Variants in OGFOD1 observed in about 807,000 individuals in gnomAD.
The protein encoded by OGFOD1 is prolyl 3-hydroxylase OGFOD1.
In OGFOD1, 54 loss-of-function variants were observed where a neutral mutation model predicts 67.7. The ratio of observed to expected loss-of-function variants is 0.80; its 90% CI spans 0.64 to 1.00. OGFOD1 has a LOEUF of 1.00. Among genes scored for constraint, OGFOD1 ranks in the 50% least tolerant of loss-of-function variants. The pLI is 0.00. For missense variants in OGFOD1, 606 were observed against 646.7 expected (o/e 0.94, Z 0.68); for synonymous variants, 221 against 227.0 (o/e 0.97, Z 0.24).
chr16:56,463,137 G>T (rs1315731137), intron 4 of OGFOD1, among the ~76,000 whole-genome samples: 2 of 152,016 alleles, frequency 1.3e-5, no homozygotes, highest in African/African-American at 4.8e-5. Flanking sequence ...ACCAGTTTGG[G>T]GTGCATCCTT....
chr16:56,470,063 C>T lies in OGFOD1; in HGVS notation c.961C>T (p.Arg321Ter), dbSNP rs778485767. Residue 321 changes from arginine (R) to a stop codon, truncating the protein, a stop_gained, in exon 9 of 13, where the codon CGA (arginine) becomes TGA (stop). Transcript: ENST00000566157. LOFTEE classifies it high-confidence loss of function. ...GCATGGACATGTGGAATGGAGCAGCCGAGGTCCCCCTAACAAAAGGTAGAA... is the reference window on the plus strand; with the variant it reads ...GCATGGACATGTGGAATGGAGCAGCTGAGGTCCCCCTAACAAAAGGTAGAA... ...LEHGHVEWSS[R>*]GPPNKRFYEK... is the part of the protein sequence containing the mutation. The T allele has an allele frequency of 5.6e-6, 9 of 1,613,796 alleles. No individual in the cohort carries two copies. The highest frequency in any genetic ancestry group is 5.3e-5 in the African/African-American group (4 of 74,838).
chr16:56,472,459 T>A (rs1963244214), intron 10 of OGFOD1, among the ~76,000 whole-genome samples: 1 of 152,146 alleles, frequency 6.6e-6, no homozygotes, highest in Non-Finnish European at 1.5e-5. Flanking sequence ...TTTACGAAGT[T>A]TACCATCTTG....
At position 56,466,770 on chromosome 16, in the gene OGFOD1, A is replaced by G. The variant is rs966197758; in HGVS notation, c.566-106A>G. Reference sequence around the variant, plus strand: ...GAAAGGGCGGTATTTCAGGGTCTGAAGGGCACATCTAGATGCCCTCAGAAG... The same window carrying G: ...GAAAGGGCGGTATTTCAGGGTCTGAGGGGCACATCTAGATGCCCTCAGAAG... On this transcript the variant is annotated intron_variant, in intron 5 of 12. Transcript: ENST00000566157. 6.3e-6 allele frequency: 5 copies of G among 795,562 alleles called. No individual in the cohort carries two copies. In the African/African-American group the frequency reaches 8.4e-5, roughly 13 times the overall value. 49.3% of individuals were successfully genotyped at this position (795,562 alleles called of 1,614,324 possible).
intron 4 of OGFOD1, 94 bp from the exon 5 acceptor site, chr16:56,466,058 A>G: frequency 1.2e-6 from 1 of 818,256 alleles, no homozygotes; most frequent in Non-Finnish European, 2.1e-6. Flanking sequence ...CTGACATTAC[A>G]GTTGAATGTC....
At chr16:56,473,412 G>T (rs1963296053) in intron 10 of OGFOD1, among the ~76,000 whole-genome samples, 1 of 152,120 alleles carries the variant, frequency 6.6e-6, no homozygotes, top group Non-Finnish European at 1.5e-5. Context: ...ATTTTTTCCA[G>T]TTCTTCACTG....
At chr16:56,457,258 T>C (rs1391825379) in intron 2 of OGFOD1, among the ~76,000 whole-genome samples, 1 of 152,242 alleles carries the variant, frequency 6.6e-6, no homozygotes, top group Non-Finnish European at 1.5e-5. Context: ...GTACTGATAC[T>C]ACCACAACAT....
chr16:56,453,289 TTTC>T lies in OGFOD1; in HGVS notation c.185_187del (p.Leu62del). On this transcript the variant is annotated inframe_deletion, in exon 2 of 13. Transcript: ENST00000566157. ...AGTCATTGTCATGGACATGGACCCTTTTCTTCACTGTGTGATCCCAAACTTCAT... is the reference window on the plus strand; with the variant it reads ...AGTCATTGTCATGGACATGGACCCTTTTCACTGTGTGATCCCAAACTTCAT... 6.2e-7 allele frequency: 1 copy of T among 1,613,874 alleles called. No individual in the cohort carries two copies.
rs1325392304 is a variant in OGFOD1 at position 56,453,338 on chromosome 16, A to G, written c.230A>G (p.Glu77Gly). 1.2e-6 allele frequency: 2 copies of G among 1,614,024 alleles called. No individual in the cohort carries two copies. Among genetic ancestry groups the G allele is most frequent in the African/African-American group, 2.7e-5 (2 of 74,944 alleles). Residue 77 changes from glutamate to glycine, a missense_variant, in exon 2 of 13, where the codon GAA (glutamate) becomes GGA (glycine). By Grantham distance (98) the Glu-to-Gly change is moderately conservative. Coordinates refer to ENST00000566157, the MANE Select transcript of OGFOD1 (RefSeq NM_018233.4). ...PNFIQSQDFL[E>G]GLQKELMNLD... ...TTCATCCAAAGCCAAGACTTCTTAGAAGGGCTTCAGAAGGAACTGATGAAC... is the reference window on the plus strand; with the variant it reads ...TTCATCCAAAGCCAAGACTTCTTAGGAGGGCTTCAGAAGGAACTGATGAAC...
At chr16:56,471,366 A>T (rs1421481183) in intron 10 of OGFOD1, among the ~76,000 whole-genome samples, 1 of 142,452 alleles carries the variant, frequency 7.0e-6, no homozygotes, top group Non-Finnish European at 1.6e-5. Flanking sequence ...CATCTCAAAG[A>T]AAAAAAAAAA....
rs553872976 is a variant in OGFOD1 at position 56,477,524 on chromosome 16, T to C, written c.*1319T>C. On this transcript the variant is annotated 3_prime_UTR_variant, in exon 13 of 13. Coordinates refer to ENST00000566157, the MANE Select transcript of OGFOD1 (RefSeq NM_018233.4). ...GTTGCTTCTGTTTTCCTAAATACTG[T>C]AGGGTCAACTATATAACTAATTGCT... is the stretch of plus-strand genomic sequence containing the variant. 1.4e-4 allele frequency: 21 copies of C among 152,346 alleles called. No homozygotes were observed. Among genetic ancestry groups the C allele is most frequent in the African/African-American group, 5.1e-4 (21 of 41,580 alleles). 9.4% of individuals were successfully genotyped at this position (152,346 alleles called of 1,614,324 possible).
chr16:56,462,572 A>G lies in OGFOD1; in HGVS notation c.386A>G (p.Asp129Gly), dbSNP rs369481754. 1.5e-5 allele frequency: 25 copies of G among 1,612,996 alleles called. No individual in the cohort carries two copies. The African/African-American group carries it at 3.2e-4, about 21-fold the overall frequency. ...LFEDFRSWLS[D>G]ISKIDLESTI... Reference sequence around the variant, plus strand: ...GAAGATTTCCGGTCCTGGCTTTCTGATATTTCTAAAATTGACCTGGAATCA... The same window carrying G: ...GAAGATTTCCGGTCCTGGCTTTCTGGTATTTCTAAAATTGACCTGGAATCA... The change falls in exon 4 of 13, where the codon GAT becomes GGT. Residue 129 changes from aspartate to glycine, a missense_variant. Physicochemically the swap from Asp to Gly is moderately conservative, Grantham distance 94. Coordinates refer to ENST00000566157, the MANE Select transcript of OGFOD1 (RefSeq NM_018233.4).
chr16:56,464,676 G>A (rs750152310), intron 4 of OGFOD1, among the ~76,000 whole-genome samples: 4 of 151,976 alleles, frequency 2.6e-5, no homozygotes, highest in Non-Finnish European at 4.4e-5. Flanking sequence ...GGAGAACCCC[G>A]TCAAACTGAC....
intron 1 of OGFOD1, 25 bp downstream of exon 1, chr16:56,451,791 G>A (rs185933106): frequency 8.7e-6 from 14 of 1,610,698 alleles, no homozygotes; most frequent in Non-Finnish European, 1.2e-5. Context: ...TCAGGGAGGG[G>A]CCGCCACGCA....
intron 2 of OGFOD1, among the ~76,000 whole-genome samples, chr16:56,456,891 A>C (rs2143974706): frequency 6.6e-6 from 1 of 152,324 alleles, no homozygotes; most frequent in African/African-American, 2.4e-5. Flanking sequence ...AATTTCTCAG[A>C]GTGTAAATGA....
chr16:56,462,461 G>T, intron 3 of OGFOD1, 73 bp from the exon 4 acceptor site: 4 of 855,288 alleles, frequency 4.7e-6, no homozygotes, highest in Non-Finnish European at 8.0e-6. Context: ...AAAAGTTGTG[G>T]CCTAGATCCA....
At chr16:56,465,538 G>A (rs74908369) in intron 4 of OGFOD1, 391 of 152,520 alleles carry the variant, frequency 2.6e-3, no homozygotes, top group South Asian at 4.3e-3. Flanking sequence ...CTCCCTCTCA[G>A]CCTGCACAGA....
intron 2 of OGFOD1, chr16:56,454,843 A>C: frequency 2.4e-6 from 1 of 414,352 alleles, no homozygotes. Context: ...TATACACATG[A>C]CTGAATTAAC....
In OGFOD1 at chr16:56,458,932, A is replaced by G. The variant is rs1962620229; in HGVS notation, c.347+338A>G. Reference sequence around the variant, plus strand: ...AATAAAAACCCTAGTGTTGACAGATATAGATAGATAACTTTATACACTGCT... The same window carrying G: ...AATAAAAACCCTAGTGTTGACAGATGTAGATAGATAACTTTATACACTGCT... On this transcript the variant is annotated intron_variant, in intron 3 of 12. Coordinates refer to ENST00000566157, the MANE Select transcript of OGFOD1 (RefSeq NM_018233.4). 1.0e-5 allele frequency: 3 copies of G among 298,576 alleles called. No individual in the cohort carries two copies. The South Asian group carries it at 1.1e-4, about 11-fold the overall frequency. 18.5% of individuals were successfully genotyped at this position (298,576 alleles called of 1,614,324 possible).
chr16:56,451,876 TCTTA>T (rs1962350403), intron 1 of OGFOD1, 110 bp downstream of exon 1: 4 of 1,288,722 alleles, frequency 3.1e-6, no homozygotes, highest in Non-Finnish European at 3.1e-6. Flanking sequence ...GGGAAGAGGC[TCTTA>T]GAGGACTTTG....
Sources: allele counts gnomAD v4.1 joint callset (sites outside exome capture counted in the v4.1 genomes callset), GRCh38; gene constraint gnomAD v4.1.1; transcripts MANE v1.5; gene names NCBI Gene and HGNC (gene_info 2026-07-23, HGNC 2026-07-21).